Variants in MYH7B observed in about 807,000 individuals in gnomAD.
The protein encoded by MYH7B is myosin-7B.
A neutral mutation model predicts 234.5 loss-of-function variants in MYH7B; 205 were observed. The observed-to-expected ratio is 0.87, with a 90% CI of 0.78 to 0.98. The LOEUF is 0.98. Ranked by LOEUF, MYH7B falls within the 50% of genes least tolerant of loss-of-function variation. The probability of loss-of-function intolerance (pLI) is 0.00; values close to 1 mark genes in which losing one functional copy is unlikely to be tolerated. For synonymous variants in MYH7B, 1,193 were observed against 1,105.0 expected (o/e 1.08, Z -1.58); for missense variants, 2,652 against 2,633.4 (o/e 1.01, Z -0.15).
At position 34,987,757 on chromosome 20, in the gene MYH7B, A is replaced by G. The variant is rs957960865; in HGVS notation, c.1267-8A>G. On this transcript the variant is annotated splice_region_variant and splice_polypyrimidine_tract_variant and intron_variant, in intron 17 of 44. Transcript: ENST00000262873. Reference sequence around the variant, plus strand: ...CCAGGTCCCAGCCCAGCCTCCCTGCACCTCCAGGTGGTGTTTGCTGTGGGG... The same window carrying G: ...CCAGGTCCCAGCCCAGCCTCCCTGCGCCTCCAGGTGGTGTTTGCTGTGGGG... 8 of 1,614,064 alleles carry G rather than the reference A, an allele frequency of 5.0e-6. No individual in the cohort carries two copies. Among genetic ancestry groups the G allele is most frequent in the East Asian group, 2.2e-5 (1 of 44,876 alleles).
At chr20:34,984,798 G>A (rs2081990691) in intron 11 of MYH7B, 56 bp from the exon 12 acceptor site, 2 of 1,600,620 alleles carry the variant, frequency 1.2e-6, no homozygotes, top group East Asian at 4.5e-5. Flanking sequence ...GGTGGCTCTG[G>A]CCTCCCGGTG....
chr20:34,995,214 G>A (rs2082231294), intron 27 of MYH7B, 122 bp from the exon 28 acceptor site: 1 of 927,546 alleles, frequency 1.1e-6, no homozygotes, highest in East Asian at 2.7e-5. Context: ...ACATTCCTGA[G>A]TTCTCAGAGC....
chr20:35,002,201 CT>C, exon 45 of MYH7B: 2 of 1,524,170 alleles, frequency 1.3e-6, no homozygotes, highest in Non-Finnish European at 1.8e-6. Flanking sequence ...GCCTGACCCC[CT>C]GGGCTCTAAA....
At position 34,999,702 on chromosome 20, in the gene MYH7B, G is replaced by A. The variant is rs1247051094; in HGVS notation, c.4665+7G>A. ...TGCACTGGAGGAGGCAGAGGTCAGG[G>A]GCTGGCTGCAGGGGTGGGTGGACAC... On this transcript the variant is annotated splice_region_variant and intron_variant, in intron 37 of 44. Coordinates refer to ENST00000262873, the Ensembl canonical transcript of MYH7B. The A allele has an allele frequency of 6.2e-7, 1 of 1,613,022 alleles. No homozygotes were observed. Among genetic ancestry groups the A allele is most frequent in the Middle Eastern group, 1.7e-4 (1 of 6,040 alleles).
At chr20:34,990,402 C>A (rs539138461) in intron 22 of MYH7B, 92 bp downstream of exon 22, 2 of 1,400,116 alleles carry the variant, frequency 1.4e-6, no homozygotes, top group Non-Finnish European at 2.0e-6. Flanking sequence ...CTTGGGCGGG[C>A]GGCTGTTAAG....
At chr20:35,001,246 T>G (rs1305906497) in exon 42 of MYH7B, 1 of 1,609,816 alleles carries the variant, frequency 6.2e-7, no homozygotes, top group South Asian at 1.1e-5. Context: ...TGCCTGCAGG[T>G]ACGGGAGCTG....
chr20:34,989,647 TC>T (rs2082101791), intron 19 of MYH7B, 92 bp from the exon 20 acceptor site: 1 of 1,292,900 alleles, frequency 7.7e-7, no homozygotes, highest in East Asian at 2.5e-5. Flanking sequence ...CTGGGAAGGC[TC>T]CCAGAAGGGA....
intron 14 of MYH7B, among the ~76,000 whole-genome samples, chr20:34,986,549 C>T (rs1450103069): frequency 1.3e-5 from 2 of 152,202 alleles, no homozygotes; most frequent in African/African-American, 2.4e-5. Context: ...CTTCCCTGTG[C>T]GCCAGCATCT....
rs181877258 is a variant in MYH7B at position 34,998,316 on chromosome 20, C to T, written c.3769C>T (p.Arg1257Trp). ...CTAGGCCAGTGCAGAGAAGCTGTGC[C>T]GGACCTATGAGGATCAGCTAAGCGA... The change falls in exon 33 of 45, where the codon CGG (arginine) becomes TGG (tryptophan). Residue 1257 changes from arginine to tryptophan, a missense_variant. Transcript: ENST00000262873. 17 of 1,613,950 alleles carry T rather than the reference C, an allele frequency of 1.1e-5. No individual in the cohort carries two copies. In the East Asian group the frequency reaches 2.5e-4, roughly 23 times the overall value.
At chr20:34,965,021 C>G (rs2081730632) in intron 2 of MYH7B, among the ~76,000 whole-genome samples, 2 of 152,186 alleles carry the variant, frequency 1.3e-5, no homozygotes, top group Non-Finnish European at 2.9e-5. Flanking sequence ...TTATCTCATT[C>G]AATTCCTATG....
At chr20:34,987,835 T>G in exon 18 of MYH7B, 1 of 1,613,888 alleles carries the variant, frequency 6.2e-7, no homozygotes, top group Non-Finnish European at 8.5e-7. Context: ...GTGTCTCGGA[T>G]CAACCAGACC....
exon 23 of MYH7B, chr20:34,990,752 G>C (rs746539872): frequency 6.2e-7 from 1 of 1,614,152 alleles, no homozygotes; most frequent in South Asian, 1.1e-5. Flanking sequence ...ACCTCAACAA[G>C]CTGATGACCA....
chr20:35,001,847 TGAGAACCA>T (rs1431776824), intron 43 of MYH7B, 93 bp from the exon 44 acceptor site: 2 of 1,514,212 alleles, frequency 1.3e-6, no homozygotes, highest in Non-Finnish European at 1.8e-6. Flanking sequence ...GGAACAAAGT[TGAGAACCA>T]GGAGGAGCTA....
At chr20:35,001,030 A>G (rs2082366636) in exon 41 of MYH7B, 3 of 1,613,766 alleles carry the variant, frequency 1.9e-6, no homozygotes, top group Non-Finnish European at 2.5e-6. Flanking sequence ...GCAGGACACA[A>G]GTGCACACCT....
At chr20:34,977,069 TCTCC>T (rs2081865489) in intron 3 of MYH7B, among the ~76,000 whole-genome samples, 3 of 96,028 alleles carry the variant, frequency 3.1e-5, no homozygotes, top group African/African-American at 7.7e-5. Context: ...CCCCTCTCTC[TCTCC>T]CTCTCACTCC....
At chr20:34,985,236 T>C (rs924288085) in intron 13 of MYH7B, 107 bp downstream of exon 13, 4 of 1,052,584 alleles carry the variant, frequency 3.8e-6, no homozygotes, top group African/African-American at 1.6e-5. Context: ...CTCTGGGCAC[T>C]TCTCTCTACC....
chr20:34,963,667 C>T (rs914026560), intron 2 of MYH7B, among the ~76,000 whole-genome samples: 7 of 152,168 alleles, frequency 4.6e-5, no homozygotes, highest in Admixed American at 1.3e-4. Context: ...TCGAAGGTCA[C>T]AAAGATTTAC....
chr20:34,955,891 A>C (rs34293667), exon 1 of MYH7B: 1 of 152,378 alleles, frequency 6.6e-6, no homozygotes, highest in Non-Finnish European at 1.5e-5. Context: ...AGTCGAGGCC[A>C]GGAAGGGGCG....
At chr20:34,972,201 T>C (rs758684881) in intron 2 of MYH7B, among the ~76,000 whole-genome samples, 7 of 152,136 alleles carry the variant, frequency 4.6e-5, no homozygotes, top group African/African-American at 7.2e-5. Context: ...CTGGGTCCCT[T>C]CCAAGTCCTT....
Sources: allele counts gnomAD v4.1 joint callset (sites outside exome capture counted in the v4.1 genomes callset), GRCh38; gene constraint gnomAD v4.1.1; transcripts MANE v1.5; gene names NCBI Gene and HGNC (gene_info 2026-07-23, HGNC 2026-07-21).